The following SLC12A2 variants were observed in gnomAD, a reference collection of about 807,000 sequenced individuals.
The protein encoded by SLC12A2 is Na-K-2Cl cotransporter 1.
A neutral mutation model predicts 136.3 loss-of-function variants in SLC12A2; 67 were observed. That is an observed-to-expected ratio of 0.49 (90% confidence interval 0.40 to 0.60). The LOEUF (loss-of-function observed/expected upper bound fraction) is 0.60, where lower values mean the gene tolerates loss of function less well. Among genes scored for constraint, SLC12A2 ranks in the 20% least tolerant of loss-of-function variants. SLC12A2 has a pLI of 0.00. For missense variants in SLC12A2, 1,322 were observed against 1,534.7 expected, an observed-to-expected ratio of 0.86 and a Z score of 2.32; for synonymous variants, 619 against 562.9, an observed-to-expected ratio of 1.10 and a Z score of -1.41.
chr5:128,153,019 A>AATAAATAT (rs1762753992), intron 15 of SLC12A2, among the ~76,000 whole-genome samples: 1 of 152,186 alleles, frequency 6.6e-6, no homozygotes, highest in Non-Finnish European at 1.5e-5. Flanking sequence ...CTTTTAAATG[A>AATAAATAT]TGGGTATGAT....
Position 128,184,545 on chromosome 5 carries a change from A to C in SLC12A2, c.3435+44A>C, listed in dbSNP as rs752999640. 48 of 1,493,248 alleles carry C rather than the reference A, an allele frequency of 3.2e-5. No individual in the cohort carries two copies. The East Asian group carries it at 1.0e-3, about 31-fold the overall frequency. The allele number at this position is 1,493,248 out of a possible 1,614,324, so 92.5% of individuals were successfully genotyped here. On this transcript the variant is annotated intron_variant, in intron 25 of 26. Transcript: ENST00000262461. ...TTTTCATTAATCTTTTATATAATAA[A>C]AGACATGAAAACCAAGAACTTTAAT...
At chr5:128,085,610 G>A (rs1760072649) in intron 1 of SLC12A2, among the ~76,000 whole-genome samples, 1 of 152,174 alleles carries the variant, frequency 6.6e-6, no homozygotes. Context: ...ACTTTTTTAT[G>A]AGCCGGGATT....
chr5:128,178,885 CA>C (rs1245654234), intron 22 of SLC12A2, among the ~76,000 whole-genome samples, 196 bp downstream of exon 22: 1 of 152,104 alleles, frequency 6.6e-6, no homozygotes, highest in Non-Finnish European at 1.5e-5. Context: ...GGAGGTTGTT[CA>C]GTAGTATTTC....
intron 7 of SLC12A2, 100 bp from the exon 8 acceptor site, chr5:128,138,497 A>G: frequency 9.4e-7 from 1 of 1,069,170 alleles, no homozygotes; most frequent in East Asian, 2.5e-5. Flanking sequence ...ACTTTAACTG[A>G]AGAAAAGTTA....
intron 4 of SLC12A2, among the ~76,000 whole-genome samples, chr5:128,122,021 G>A (rs1761601523): frequency 6.6e-6 from 1 of 152,166 alleles, no homozygotes; most frequent in Non-Finnish European, 1.5e-5. Flanking sequence ...GACAACTGCA[G>A]GCAGCCGTTC....
At chr5:128,180,648 G>A (rs1283258806) in intron 22 of SLC12A2, among the ~76,000 whole-genome samples, 2 of 151,998 alleles carry the variant, frequency 1.3e-5, no homozygotes, top group South Asian at 4.2e-4. Flanking sequence ...GACTGATCTC[G>A]ACCTTACCAG....
At chr5:128,132,129 G>T (rs2126699082) in intron 5 of SLC12A2, among the ~76,000 whole-genome samples, 1 of 152,284 alleles carries the variant, frequency 6.6e-6, no homozygotes, top group Admixed American at 6.5e-5. Flanking sequence ...TGAAGTTAGG[G>T]TCTTGTTTGG....
At chr5:128,114,047 C>T (rs1013650696) in intron 2 of SLC12A2, among the ~76,000 whole-genome samples, 165 bp from the exon 3 acceptor site, 5 of 152,048 alleles carry the variant, frequency 3.3e-5, no homozygotes, top group Non-Finnish European at 4.4e-5. Context: ...CTTTTAAGCT[C>T]TTTATAAAAA....
rs529508704 is a variant in SLC12A2, at chr5:128,089,372, A to G, written c.756+4662A>G. On this transcript the variant is annotated intron_variant, in intron 1 of 26. Coordinates refer to ENST00000262461, the MANE Select transcript of SLC12A2 (RefSeq NM_001046.3). The stretch of plus-strand genomic sequence containing the variant: ...CTGTGAACAGCCACTGCGCTTCAGC[A>G]TGGGCAAAACAGCAAGACCCTGTCT... Among the ~76,000 whole-genome samples, 3 of 152,196 alleles carry G rather than the reference A, an allele frequency of 2.0e-5. No homozygotes were observed. The South Asian group carries it at 6.2e-4, about 32-fold the overall frequency.
chr5:128,093,597 T>C (rs575511818), intron 1 of SLC12A2, among the ~76,000 whole-genome samples: 2 of 152,278 alleles, frequency 1.3e-5, no homozygotes, highest in East Asian at 3.9e-4. Context: ...GTGAGAAACC[T>C]ATGAGTCATC....
intron 10 of SLC12A2, among the ~76,000 whole-genome samples, chr5:128,143,827 G>A (rs1399757285): frequency 6.6e-6 from 1 of 150,474 alleles, no homozygotes; most frequent in African/African-American, 2.4e-5. Flanking sequence ...TGTGTTTTAT[G>A]TACAATCTGT....
rs575250660 is a variant in SLC12A2 at position 128,083,972 on chromosome 5, G to C, written c.18G>C (p.Thr6=). 3.2e-4 allele frequency: 393 copies of C among 1,239,502 alleles called. 6 individuals carry two copies. In the South Asian group the frequency reaches 9.0e-3, roughly 28 times the overall value. 76.8% of individuals were successfully genotyped at this position (1,239,502 alleles called of 1,614,324 possible). Reference sequence around the variant, plus strand: ...GGGCAGCTATGGAGCCGCGGCCCACGGCGCCCTCCTCCGGCGCCCCGGGAC... The same window carrying C: ...GGGCAGCTATGGAGCCGCGGCCCACCGCGCCCTCCTCCGGCGCCCCGGGAC... MEPRP[T]APSSGAPGLA... is the part of the protein sequence containing the mutation. The change falls in exon 1 of 27, where the codon ACG becomes ACC. Residue 6 remains threonine, a synonymous_variant. Transcript: ENST00000262461.
At chr5:128,135,662 A>G in intron 6 of SLC12A2, 38 bp from the exon 7 acceptor site, 1 of 1,246,342 alleles carries the variant, frequency 8.0e-7, no homozygotes, top group South Asian at 1.2e-5. Context: ...TATAGAAACA[A>G]GATACTTGAT....
At chr5:128,180,804 T>G in intron 22 of SLC12A2, 79 bp from the exon 23 acceptor site, 1 of 829,880 alleles carries the variant, frequency 1.2e-6, no homozygotes, top group Non-Finnish European at 2.0e-6. Context: ...GTAGTAAACA[T>G]GTTTTTCGAG....
intron 14 of SLC12A2, 149 bp downstream of exon 14, chr5:128,151,545 A>G: frequency 1.5e-6 from 1 of 649,228 alleles, no homozygotes; most frequent in South Asian, 3.1e-5. Flanking sequence ...CTTTATTTCC[A>G]AACTCCTAAA....
intron 4 of SLC12A2, among the ~76,000 whole-genome samples, chr5:128,128,415 T>G (rs1029402159): frequency 1.3e-5 from 2 of 152,128 alleles, no homozygotes; most frequent in African/African-American, 4.8e-5. Flanking sequence ...TATGACCAAT[T>G]ATGAGACCCC....
chr5:128,114,348 T>C (rs375101744), intron 3 of SLC12A2, 61 bp downstream of exon 3: 1 of 1,284,284 alleles, frequency 7.8e-7, no homozygotes, highest in Non-Finnish European at 1.1e-6. Context: ...TCTGAGCTCT[T>C]AACCTCATGA....
At chr5:128,165,035 G>A (rs894254034) in intron 17 of SLC12A2, among the ~76,000 whole-genome samples, 1 of 151,652 alleles carries the variant, frequency 6.6e-6, no homozygotes, top group African/African-American at 2.4e-5. Context: ...TAGAGATGAG[G>A]TTTCACCATG....
chr5:128,130,392 A>G (rs1233786452), intron 4 of SLC12A2, among the ~76,000 whole-genome samples: 1 of 151,834 alleles, frequency 6.6e-6, no homozygotes, highest in African/African-American at 2.4e-5. Flanking sequence ...GCGCACGCCT[A>G]TAGTTCCAGC....
Sources: allele counts gnomAD v4.1 joint callset (sites outside exome capture counted in the v4.1 genomes callset), GRCh38; gene constraint gnomAD v4.1.1; transcripts MANE v1.5; gene names NCBI Gene and HGNC (gene_info 2026-07-23, HGNC 2026-07-21).